Variants in UBA52 observed in about 807,000 individuals in gnomAD.
UBA52 encodes ubiquitin A-52 residue ribosomal protein fusion product 1.
Under a neutral mutation model 15.3 loss-of-function variants are expected in UBA52, and 1 was observed. That is an observed-to-expected ratio of 0.07 (90% CI 0.02 to 0.31). UBA52 has a LOEUF of 0.31. UBA52 is among the 10% of genes least tolerant of loss of function. The pLI, the probability that UBA52 is intolerant of heterozygous loss-of-function variation, is 1.00. For synonymous variants in UBA52, 50 were observed against 58.3 expected (o/e 0.86, Z 0.65); for missense variants, 87 against 168.0 (o/e 0.52, Z 2.66).
At chr19:18,565,798 C>T in the UBA52 span, among the ~76,000 whole-genome samples, 2 of 152,168 alleles carry the variant, frequency 1.3e-5, no homozygotes, top group Non-Finnish European at 2.9e-5. Flanking sequence ...AGCGATTCTC[C>T]TGCTTCAGCC....
At chr19:18,573,464 G>A (rs1271712792) in intron 2 of UBA52, 61 bp downstream of exon 2, 17 of 1,459,436 alleles carry the variant, frequency 1.2e-5, no homozygotes, top group Admixed American at 1.8e-5. Context: ...CTGCCCAGGG[G>A]AGTCTCAGTC....
the UBA52 span, among the ~76,000 whole-genome samples, chr19:18,566,607 A>G: frequency 1.3e-5 from 2 of 152,052 alleles, no homozygotes; most frequent in Non-Finnish European, 2.9e-5. Flanking sequence ...CCTGGCCAAC[A>G]TGATGAAATC....
At chr19:18,571,291 C>G (rs569807949), upstream of UBA52, among the ~76,000 whole-genome samples, 1 of 133,740 alleles carries the variant, frequency 7.5e-6, no homozygotes, top group Non-Finnish European at 1.5e-5. Context: ...GCCTGGGCAA[C>G]GAGAGCGAAA....
At chr19:18,570,446 C>T (rs866837396), upstream of UBA52, among the ~76,000 whole-genome samples, 4 of 151,918 alleles carry the variant, frequency 2.6e-5, no homozygotes, top group South Asian at 6.3e-4. Flanking sequence ...AAGTAATCCT[C>T]CCTCTTTGAC....
upstream of UBA52, chr19:18,568,471 T>C (rs1390191819): frequency 1.2e-6 from 2 of 1,613,960 alleles, no homozygotes; most frequent in South Asian, 1.1e-5. Flanking sequence ...ACGACCACCA[T>C]TGCCACCTCA....
chr19:18,572,795 A>T, intron 1 of UBA52: 1 of 1,006,452 alleles, frequency 9.9e-7, no homozygotes, highest in Admixed American at 5.2e-5. Flanking sequence ...TCCAGCTTGG[A>T]GTTAGAGAGG....
upstream of UBA52, chr19:18,567,403 C>A (rs1056610419): frequency 2.3e-5 from 15 of 657,804 alleles, no homozygotes; most frequent in Non-Finnish European, 4.1e-5. Context: ...GGAGGCCGCA[C>A]AGGAGAATGT....
upstream of UBA52, chr19:18,567,179 G>A (rs1465334602): frequency 3.1e-6 from 5 of 1,613,920 alleles, no homozygotes; most frequent in South Asian, 1.1e-5. Context: ...GCCTTCAGCC[G>A]TAAGTGTCAC....
chr19:18,567,030 G>T (rs572832207), upstream of UBA52: 5 of 1,015,132 alleles, frequency 4.9e-6, no homozygotes, highest in Admixed American at 2.0e-5. Context: ...TCTCACTCCC[G>T]TCTCCCCTTG....
At chr19:18,573,538 G>A (rs1975615580) in intron 2 of UBA52, 124 bp from the exon 3 acceptor site, 7 of 1,311,128 alleles carry the variant, frequency 5.3e-6, no homozygotes, top group South Asian at 2.5e-5. Context: ...TCTGAAGAAC[G>A]TTTGTTATCT....
At chr19:18,573,938 G>T in intron 3 of UBA52, 190 bp downstream of exon 3, 2 of 584,902 alleles carry the variant, frequency 3.4e-6, no homozygotes, top group South Asian at 4.1e-5. Context: ...ATCACCTGAG[G>T]TCAGGAGTTC....
intron 3 of UBA52, 56 bp from the exon 4 acceptor site, chr19:18,574,814 G>A (rs1975702294): frequency 1.9e-6 from 3 of 1,602,252 alleles, no homozygotes; most frequent in Non-Finnish European, 2.5e-6. Flanking sequence ...TCCTGCCCCT[G>A]TGACTGAGGA....
Position 18,575,203 on chromosome 19 carries a change from G to C in UBA52, c.*53G>C. The C allele has an allele frequency of 6.2e-7, 1 of 1,606,678 alleles. No individual in the cohort carries two copies. ...CCTGCCCAGGCCCCGTGGCCCTGGAGCCTCAATAAAGTGTCCCTTTCATTG... is the reference window on the plus strand; with the variant it reads ...CCTGCCCAGGCCCCGTGGCCCTGGACCCTCAATAAAGTGTCCCTTTCATTG... On this transcript the variant is annotated 3_prime_UTR_variant, in exon 5 of 5. Coordinates refer to ENST00000442744, the MANE Select transcript of UBA52 (RefSeq NM_001033930.3).
At position 18,574,943 on chromosome 19, in the gene UBA52, A is replaced by G. The variant is rs1975708719; in HGVS notation, c.264A>G (p.Lys88=). Residue 88 remains lysine, a synonymous_variant, in exon 4 of 5, where the codon AAA becomes AAG. Transcript: ENST00000442744. ...IEPSLRQLAQ[K]YNCDKMICRK... ...CTTCTCTCCGCCAGCTTGCCCAGAA[A>G]TACAACTGCGACAAGATGATCTGCC... 5.6e-6 allele frequency: 9 copies of G among 1,614,056 alleles called. No individual in the cohort carries two copies. Among genetic ancestry groups the G allele is most frequent in the Non-Finnish European group, 7.6e-6 (9 of 1,180,038 alleles).
At chr19:18,568,303 T>G (rs1600600145), upstream of UBA52, 3 of 792,088 alleles carry the variant, frequency 3.8e-6, no homozygotes, top group Non-Finnish European at 4.2e-6. Context: ...CATACCCCCA[T>G]GGGGTGAGGG....
At chr19:18,568,776 G>A (rs570865619), upstream of UBA52, 44 of 628,522 alleles carry the variant, frequency 7.0e-5, no homozygotes, top group African/African-American at 7.7e-4. Flanking sequence ...GCTCTCTCCC[G>A]AGGGGTGTGG....
chr19:18,568,610 C>CG (rs1389375726), upstream of UBA52: 2 of 1,611,560 alleles, frequency 1.2e-6, no homozygotes, highest in Non-Finnish European at 1.7e-6. Context: ...AGACAGATGA[C>CG]GAGGAGATGA....
chr19:18,567,087 A>G (rs558839925), upstream of UBA52: 97 of 1,601,362 alleles, frequency 6.1e-5, no homozygotes, highest in South Asian at 3.1e-4. Context: ...GGCCCAGCCT[A>G]CCTGCTCAGC....
At chr19:18,565,207 AT>A in the UBA52 span, 1 of 1,273,828 alleles carries the variant, frequency 7.9e-7, no homozygotes, top group African/African-American at 1.5e-5. Context: ...TTATTTACTG[AT>A]TGATTAATTG....
Sources: gnomAD v4.1 joint callset for allele counts (sites outside exome capture counted in the v4.1 genomes callset) on GRCh38, gnomAD v4.1.1 for gene constraint, MANE v1.5 for transcripts, NCBI Gene and HGNC (gene_info 2026-07-23, HGNC 2026-07-21) for gene names.